TBC1D8: variants seen among roughly 807,000 people sequenced by gnomAD.
TBC1D8 encodes BUB2-like protein 1.
A neutral mutation model predicts 118.8 loss-of-function variants in TBC1D8; 65 were observed. That is an observed-to-expected ratio of 0.55 (90% CI 0.45 to 0.67). The LOEUF is 0.67. Ranked by LOEUF, TBC1D8 falls within the 30% of genes least tolerant of loss-of-function variation. The pLI is 0.00. For synonymous variants in TBC1D8, 566 were observed against 595.8 expected (o/e 0.95, Z 0.73); for missense variants, 1,376 against 1,471.2 (o/e 0.94, Z 1.06).
intron 14 of TBC1D8, 124 bp downstream of exon 14, chr2:101,027,924 T>A (rs1052074398): frequency 1.1e-5 from 9 of 841,020 alleles, no homozygotes; most frequent in Non-Finnish European, 1.5e-5. Flanking sequence ...CTTAAGTTGT[T>A]AATGTAATCC....
intron 1 of TBC1D8, among the ~76,000 whole-genome samples, chr2:101,091,482 T>C (rs1676029138): frequency 6.6e-6 from 1 of 152,052 alleles, no homozygotes; most frequent in African/African-American, 2.4e-5. Flanking sequence ...TCCCAGCACT[T>C]TGAGAGTCCA....
chr2:101,021,219 G>A (rs1230558826), intron 17 of TBC1D8, among the ~76,000 whole-genome samples: 1 of 152,162 alleles, frequency 6.6e-6, no homozygotes, highest in Non-Finnish European at 1.5e-5. Flanking sequence ...TCAATGTCAA[G>A]TCTGATCTCA....
At chr2:101,145,831 A>G (rs1679296696) in intron 1 of TBC1D8, among the ~76,000 whole-genome samples, 1 of 152,228 alleles carries the variant, frequency 6.6e-6, no homozygotes, top group East Asian at 1.9e-4. Flanking sequence ...TCTCCTGAGC[A>G]ATTCTTAACC....
chr2:101,073,718 T>A (rs1284198854), intron 2 of TBC1D8, among the ~76,000 whole-genome samples: 1 of 152,356 alleles, frequency 6.6e-6, no homozygotes, highest in Middle Eastern at 3.4e-3. Context: ...CACCTTGTAC[T>A]TTTATGTTAT....
At chr2:101,018,123 T>C in intron 17 of TBC1D8, 1 of 547,940 alleles carries the variant, frequency 1.8e-6, no homozygotes, top group South Asian at 3.0e-5. Context: ...TATAAAGTTT[T>C]CAGAATAACA....
intron 5 of TBC1D8, among the ~76,000 whole-genome samples, chr2:101,043,026 C>T (rs6543006): frequency 0.84 from 127,565 of 152,144 alleles, 53,925 homozygotes; most frequent in African/African-American, 0.95. Flanking sequence ...GCAGCCATCA[C>T]ACAGAGATGG....
chr2:101,038,940 C>T (rs1276092391), intron 6 of TBC1D8, among the ~76,000 whole-genome samples: 1 of 152,150 alleles, frequency 6.6e-6, no homozygotes, highest in Non-Finnish European at 1.5e-5. Flanking sequence ...ATGGATGAGC[C>T]CCGAGGGCAT....
At chr2:101,108,290 G>A (rs1415440972) in intron 1 of TBC1D8, among the ~76,000 whole-genome samples, 1 of 152,116 alleles carries the variant, frequency 6.6e-6, no homozygotes, top group African/African-American at 2.4e-5. Flanking sequence ...CCAAAACAGG[G>A]AAAGTCTGAG....
Position 101,050,605 on chromosome 2 carries a change from A to G in TBC1D8, c.668T>C (p.Leu223Ser), listed in dbSNP as rs1435720859. Residue 223 changes from leucine to serine, a missense_variant, in exon 5 of 20, where the codon TTA becomes TCA. Leu to Ser is a moderately radical substitution (Grantham distance 145). Transcript: ENST00000409318. ...CAGAAAGACATTGGACGTTCTTTCT[A>G]ATTTCTGGATATCAACCCACGGAAC... ...LVVPWVDIQK[L>S]ERTSNVFLTD... 1.2e-6 allele frequency: 2 copies of G among 1,613,978 alleles called. No homozygotes were observed. Among genetic ancestry groups the G allele is most frequent in the East Asian group, 2.2e-5 (1 of 44,882 alleles).
chr2:101,150,922 C>T (rs1320933579), intron 1 of TBC1D8, among the ~76,000 whole-genome samples: 1 of 152,124 alleles, frequency 6.6e-6, no homozygotes, highest in Non-Finnish European at 1.5e-5. Flanking sequence ...CGCACGCGCC[C>T]GGGAGCCCCC....
At position 101,059,485 on chromosome 2, in the gene TBC1D8, A is replaced by G. The variant is rs1419725595; in HGVS notation, c.338T>C (p.Leu113Pro). The change falls in exon 3 of 20, where the codon CTC becomes CCC. Residue 113 changes from leucine to proline, a missense_variant. Leu to Pro is a moderately conservative substitution (Grantham distance 98). Coordinates refer to ENST00000409318, the MANE Select transcript of TBC1D8 (RefSeq NM_001330348.2). ...ATTATCAAAGACAGACAAGGTGTGG[A>G]GGAGATTTTGTTCCAGCCAGTCCCA... ...QHWDWLEQNL[L>P]HTLSVFDNKD... 2 of 1,613,850 alleles carry G rather than the reference A, an allele frequency of 1.2e-6. No homozygotes were observed. Among genetic ancestry groups the G allele is most frequent in the Non-Finnish European group, 1.7e-6 (2 of 1,179,870 alleles).
At chr2:101,058,313 CA>C (rs1177508342) in intron 3 of TBC1D8, among the ~76,000 whole-genome samples, 1 of 152,146 alleles carries the variant, frequency 6.6e-6, no homozygotes, top group Non-Finnish European at 1.5e-5. Flanking sequence ...TTTGTTCCTC[CA>C]AAATCAAAAA....
intron 1 of TBC1D8, among the ~76,000 whole-genome samples, chr2:101,091,067 G>T (rs2105457870): frequency 6.6e-6 from 1 of 151,110 alleles, no homozygotes; most frequent in South Asian, 2.1e-4. Context: ...AGGATCACTT[G>T]AGGTCAGGAG....
chr2:101,066,459 C>G (rs538809893), intron 2 of TBC1D8, among the ~76,000 whole-genome samples: 1 of 151,812 alleles, frequency 6.6e-6, no homozygotes, highest in East Asian at 1.9e-4. Context: ...GGGGAAAAAT[C>G]AATTCTTAAA....
chr2:101,034,807 A>G (rs1291420044), intron 9 of TBC1D8, among the ~76,000 whole-genome samples: 1 of 152,178 alleles, frequency 6.6e-6, no homozygotes, highest in Non-Finnish European at 1.5e-5. Context: ...TCATTTTTAT[A>G]TACAAAAATA....
intron 10 of TBC1D8, chr2:101,033,031 G>A (rs561932453): frequency 7.7e-5 from 17 of 221,220 alleles, no homozygotes; most frequent in East Asian, 3.1e-4. Flanking sequence ...GCCCTCCTAC[G>A]TCTGAGCTCA....
chr2:101,011,627 C>T (rs775740928), intron 17 of TBC1D8, 87 bp from the exon 18 acceptor site: 51 of 1,405,098 alleles, frequency 3.6e-5, no homozygotes, highest in Non-Finnish European at 5.0e-5. Flanking sequence ...CAACTAAAGG[C>T]TAAGCCAGCA....
In TBC1D8 at chr2:101,008,098, C is replaced by T. The variant is rs888458057; in HGVS notation, c.3191G>A (p.Arg1064Gln). Residue 1064 changes from arginine to glutamine, a missense_variant, in exon 20 of 20, where the codon CGG (arginine) becomes CAG (glutamine). Coordinates refer to ENST00000409318, the MANE Select transcript of TBC1D8 (RefSeq NM_001330348.2). Reference protein sequence around the residue: ...SCSQECGEELRASAPSPEDSV... With the variant: ...SCSQECGEELQASAPSPEDSV... ...GTCCTCAGGAGAAGGAGCTGAAGCC[C>T]GCAGCTCCTCCCCACACTCCTGGGA... The T allele has an allele frequency of 1.1e-5, 17 of 1,613,796 alleles. No homozygotes were observed. Among genetic ancestry groups the T allele is most frequent in the South Asian group, 5.5e-5 (5 of 91,076 alleles).
In TBC1D8 at chr2:101,007,681, G is replaced by A; in HGVS notation, c.*140C>T. On this transcript the variant is annotated 3_prime_UTR_variant, in exon 20 of 20. Transcript: ENST00000409318. ...CTTGAGGGTTGTGTCGGTTCCCCTG[G>A]CCACAGTTTGTCAGGTTGTTTAGCC... The A allele has an allele frequency of 1.2e-6, 1 of 844,970 alleles. No individual in the cohort carries two copies. Among genetic ancestry groups the A allele is most frequent in the Non-Finnish European group, 1.9e-6 (1 of 537,536 alleles). 52.3% of individuals were successfully genotyped at this position (844,970 alleles called of 1,614,324 possible).
Sources: gnomAD v4.1 joint callset for allele counts (sites outside exome capture counted in the v4.1 genomes callset) on GRCh38, gnomAD v4.1.1 for gene constraint, MANE v1.5 for transcripts, NCBI Gene and HGNC (gene_info 2026-07-23, HGNC 2026-07-21) for gene names.